ZNF208: variants seen among roughly 807,000 people sequenced by gnomAD.
ZNF208 encodes the protein zinc finger protein 208, also known as zinc finger protein 95.
ZNF208 carries 10 observed loss-of-function variants against 12.1 expected under a neutral mutation model. The ratio of observed to expected loss-of-function variants is 0.83; its 90% CI spans 0.51 to 1.40. The LOEUF is 1.40. ZNF208 is among the 40% of genes most tolerant of loss of function. The pLI, the probability that ZNF208 is intolerant of heterozygous loss-of-function variation, is 0.00. For synonymous variants in ZNF208, 497 were observed against 488.4 expected (o/e 1.02, Z -0.23); for missense variants, 1,652 against 1,485.0 (o/e 1.11, Z -1.85).
chr19:21,988,745 A>G (rs1568451713), intron 2 of ZNF208, 38 bp downstream of exon 2: 1 of 1,608,300 alleles, frequency 6.2e-7, no homozygotes, highest in African/African-American at 1.4e-5. Context: ...TGAAACCTGT[A>G]GTGTATACTA....
intron 3 of ZNF208, among the ~76,000 whole-genome samples, chr19:21,976,244 A>G (rs1473052837): frequency 1.3e-5 from 2 of 152,186 alleles, no homozygotes; most frequent in Admixed American, 1.3e-4. Flanking sequence ...AGCAGACATA[A>G]TAGGGAAGAA....
In ZNF208 at chr19:21,974,140, C is replaced by T. The variant is rs571560065; in HGVS notation, c.894G>A (p.Ser298=). The change falls in exon 4 of 4, where the codon TCG becomes TCA. Residue 298 remains serine (S), a synonymous_variant. Coordinates refer to ENST00000397126, the MANE Select transcript of ZNF208 (RefSeq NM_007153.3). Reference sequence around the variant, plus strand: ...GAATTGCCTTATGTGTAGTAAGAGTCGAGACCTTACTAAAGGCTTTGCCAC... The same window carrying T: ...GAATTGCCTTATGTGTAGTAAGAGTTGAGACCTTACTAAAGGCTTTGCCAC... ...EECGKAFSKV[S]TLTTHKAIHA... 107 of 1,590,758 alleles carry T rather than the reference C, an allele frequency of 6.7e-5. No individual in the cohort carries two copies. The highest frequency in any genetic ancestry group is 1.2e-4 in the Admixed American group (7 of 57,488).
At chr19:21,963,934 G>A (rs1163435512), downstream of ZNF208, among the ~76,000 whole-genome samples, 1 of 151,860 alleles carries the variant, frequency 6.6e-6, no homozygotes, top group Non-Finnish European at 1.5e-5. Context: ...TTGCACAGCA[G>A]GGTAACTATA....
At chr19:22,006,343 G>T (rs1487558841) in intron 1 of ZNF208, among the ~76,000 whole-genome samples, 1 of 151,662 alleles carries the variant, frequency 6.6e-6, no homozygotes, top group African/African-American at 2.4e-5. Context: ...ACTTCCTCCT[G>T]TTGTAATACT....
intron 1 of ZNF208, among the ~76,000 whole-genome samples, chr19:21,992,717 T>C: frequency 6.6e-6 from 1 of 152,212 alleles, no homozygotes; most frequent in Non-Finnish European, 1.5e-5. Flanking sequence ...CTGCATGGCA[T>C]AGAAGAAGCC....
rs1970184660 is a variant in ZNF208 at position 21,967,049 on chromosome 19, C to T, written c.*4142G>A. ...TTTACTTTGCTGATAGTTTCTTTTACTGTGCAGAAGCTCTTTGGCTTAGAT... is the reference window on the plus strand; with the variant it reads ...TTTACTTTGCTGATAGTTTCTTTTATTGTGCAGAAGCTCTTTGGCTTAGAT... On this transcript the variant is annotated 3_prime_UTR_variant, in exon 4 of 4. Transcript: ENST00000397126. 6.6e-6 allele frequency: 1 copy of T among 152,082 alleles called. No individual in the cohort carries two copies. The highest frequency in any genetic ancestry group is 2.4e-5 in the African/African-American group (1 of 41,432). 9.4% of individuals were successfully genotyped at this position (152,082 alleles called of 1,614,324 possible).
chr19:21,953,463 T>C (rs1304010621), intron 4 of ZNF208, among the ~76,000 whole-genome samples: 1 of 152,046 alleles, frequency 6.6e-6, no homozygotes, highest in Admixed American at 6.6e-5. Context: ...AGTGGCTCTC[T>C]CAGCAGAAAT....
At position 21,974,098 on chromosome 19, in the gene ZNF208, G is replaced by A. The variant is rs749278051; in HGVS notation, c.936C>T (p.Pro312=). 3.9e-6 allele frequency: 6 copies of A among 1,548,534 alleles called. No individual in the cohort carries two copies. The highest frequency in any genetic ancestry group is 5.2e-6 in the Non-Finnish European group (6 of 1,146,032). ...THKAIHAGEK[P]YKCKECGKAF... is the part of the protein sequence containing the mutation. ...CTTTGCCACATTCTTTACATTTGTA[G>A]GGCTTCTCTCCAGCATGAATTGCCT... The change falls in exon 4 of 4, where the codon CCC becomes CCT. Residue 312 remains proline, a synonymous_variant. Coordinates refer to ENST00000397126, the MANE Select transcript of ZNF208 (RefSeq NM_007153.3).
At chr19:21,962,129 G>A (rs1970081660), downstream of ZNF208, among the ~76,000 whole-genome samples, 1 of 152,122 alleles carries the variant, frequency 6.6e-6, no homozygotes, top group Non-Finnish European at 1.5e-5. Context: ...TTAGGGAAGC[G>A]ATAAATGTCC....
At chr19:21,940,586 A>G (rs1040871735) in intron 4 of ZNF208, 6 of 152,156 alleles carry the variant, frequency 3.9e-5, no homozygotes, top group African/African-American at 1.4e-4. Flanking sequence ...CTCTATATAT[A>G]TTTTGGAAAT....
intron 3 of ZNF208, among the ~76,000 whole-genome samples, chr19:21,984,115 T>C (rs1193448891): frequency 6.6e-6 from 1 of 152,162 alleles, no homozygotes; most frequent in Non-Finnish European, 1.5e-5. Flanking sequence ...CCCTTCTGAA[T>C]AGCTCATACA....
In ZNF208 at chr19:21,972,825, T is replaced by C. The variant is rs755084978; in HGVS notation, c.2209A>G (p.Thr737Ala). ...CCAGTATGAATTACCTTATGTTTAG[T>C]AAGGACTGAGAATGTACTAAAGCTT... Reference protein sequence around the residue: ...GKSFSTFSVLTKHKVIHTGEK... With the variant: ...GKSFSTFSVLAKHKVIHTGEK... The change falls in exon 4 of 4, where the codon ACT (threonine) becomes GCT (alanine). Residue 737 changes from threonine to alanine, a missense_variant. Around this residue, in one of 3 missense-constraint regions of ZNF208, gnomAD observed 1,239 missense variants for 1,086.2 expected, o/e 1.14. Coordinates refer to ENST00000397126, the MANE Select transcript of ZNF208 (RefSeq NM_007153.3). 5 of 1,612,506 alleles carry C rather than the reference T, an allele frequency of 3.1e-6. No individual in the cohort carries two copies. In the African/African-American group the frequency reaches 6.7e-5, roughly 22 times the overall value.
At position 21,972,321 on chromosome 19, in the gene ZNF208, T is replaced by G. The variant is rs376009484; in HGVS notation, c.2713A>C (p.Thr905Pro). The stretch of plus-strand genomic sequence containing the variant: ...CCAGTATGAATTACCTCATGTTTAG[T>G]AAGGATGGAGAACATACTAAAACCT... ...GKGFSMFSIL[T>P]KHEVIHTGEK... Residue 905 changes from threonine to proline, a missense_variant, in exon 4 of 4, where the codon ACT becomes CCT. Thr to Pro is a conservative substitution (Grantham distance 38). Coordinates refer to ENST00000397126, the MANE Select transcript of ZNF208 (RefSeq NM_007153.3). 2.5e-6 allele frequency: 4 copies of G among 1,613,688 alleles called. No homozygotes were observed. The African/African-American group carries it at 4.0e-5, about 16-fold the overall frequency.
intron 4 of ZNF208, among the ~76,000 whole-genome samples, chr19:21,945,119 GTGTCCGTGCATCAAGAGGGCCA>G (rs1351849069): frequency 1.3e-5 from 2 of 152,194 alleles, no homozygotes; most frequent in Non-Finnish European, 2.9e-5. Flanking sequence ...TACAGCTACT[GTGTCCGTGCATCAAGAGGGCCA>G]TCCAGAACAT....
chr19:21,987,478 G>A (rs1400313095), intron 2 of ZNF208, among the ~76,000 whole-genome samples, 167 bp from the exon 3 acceptor site: 1 of 152,118 alleles, frequency 6.6e-6, no homozygotes, highest in Non-Finnish European at 1.5e-5. Context: ...TGTATAAGCT[G>A]GCCATAAAAA....
intron 4 of ZNF208, among the ~76,000 whole-genome samples, chr19:21,951,686 A>G (rs1969890675): frequency 6.6e-6 from 1 of 152,222 alleles, no homozygotes; most frequent in Non-Finnish European, 1.5e-5. Flanking sequence ...CCATTCCAAG[A>G]TGGCCAAATA....
At chr19:21,990,304 C>G (rs1171346059) in intron 1 of ZNF208, among the ~76,000 whole-genome samples, 2 of 152,176 alleles carry the variant, frequency 1.3e-5, no homozygotes, top group East Asian at 3.8e-4. Context: ...CTACATATGG[C>G]TAGCCAGTTT....
intron 4 of ZNF208, among the ~76,000 whole-genome samples, chr19:21,952,374 C>T (rs1159497376): frequency 6.6e-6 from 1 of 152,196 alleles, no homozygotes; most frequent in Non-Finnish European, 1.5e-5. Flanking sequence ...CCCATGTAGC[C>T]TAACTGGGAG....
intron 4 of ZNF208, among the ~76,000 whole-genome samples, chr19:21,951,842 G>T (rs1450532745): frequency 6.6e-6 from 1 of 152,212 alleles, no homozygotes; most frequent in Non-Finnish European, 1.5e-5. Flanking sequence ...AGCAGGACAG[G>T]GTGTCACCTC....
Sources: gnomAD v4.1 joint callset for allele counts (sites outside exome capture counted in the v4.1 genomes callset) on GRCh38, gnomAD v4.1.1 for gene constraint, gnomAD v4.1.1 regional missense constraint, MANE v1.5 for transcripts, NCBI Gene and HGNC (gene_info 2026-07-23, HGNC 2026-07-21) for gene names.